DENND4C: variants seen among roughly 807,000 people sequenced by gnomAD.
DENND4C encodes DENN domain containing 4C.
DENND4C carries 108 observed loss-of-function variants against 203.0 expected under a neutral mutation model. The observed-to-expected ratio is 0.53, with a 90% CI of 0.46 to 0.62. DENND4C has a LOEUF of 0.62. Ranked by LOEUF, DENND4C falls within the 20% of genes least tolerant of loss-of-function variation. The probability of loss-of-function intolerance (pLI) is 0.00; values close to 1 mark genes in which losing one functional copy is unlikely to be tolerated. For synonymous variants in DENND4C, 871 were observed against 792.4 expected (o/e 1.10, Z -1.67); for missense variants, 2,481 against 2,301.2 (o/e 1.08, Z -1.60).
intron 1 of DENND4C, among the ~76,000 whole-genome samples, chr9:19,270,624 C>T (rs562944293): frequency 4.6e-5 from 7 of 152,124 alleles, no homozygotes; most frequent in African/African-American, 1.7e-4. Context: ...TTGTTTTCAC[C>T]TTTTGGCTAT....
At chr9:19,266,392 C>T (rs1206915380) in intron 1 of DENND4C, among the ~76,000 whole-genome samples, 1 of 151,774 alleles carries the variant, frequency 6.6e-6, no homozygotes, top group Non-Finnish European at 1.5e-5. Context: ...TAAAAATTTT[C>T]TCCTGTTCTA....
intron 23 of DENND4C, among the ~76,000 whole-genome samples, chr9:19,347,990 T>C (rs149352780): frequency 6.6e-6 from 1 of 152,214 alleles, no homozygotes; most frequent in East Asian, 1.9e-4. Flanking sequence ...AGAAAAAAAT[T>C]GAAATTTCAC....
chr9:19,303,648 A>G (rs1365774449), intron 9 of DENND4C, among the ~76,000 whole-genome samples: 1 of 152,232 alleles, frequency 6.6e-6, no homozygotes, highest in Non-Finnish European at 1.5e-5. Flanking sequence ...AATATTAAGT[A>G]AATAAATGTT....
In DENND4C at chr9:19,328,095, T is replaced by G. The variant is rs1162486887; in HGVS notation, c.2186T>G (p.Phe729Cys). The G allele has an allele frequency of 6.2e-7, 1 of 1,613,948 alleles. No homozygotes were observed. The highest frequency in any genetic ancestry group is 1.7e-5 in the Admixed American group (1 of 60,002). Residue 729 changes from phenylalanine (F) to cysteine (C), a missense_variant, in exon 16 of 33, where the codon TTT becomes TGT. Physicochemically the swap from Phe to Cys is radical, Grantham distance 205. This residue lies in a region of DENND4C where 2,289 missense variants were observed against 2,113.3 expected (regional missense o/e 1.08). Coordinates refer to ENST00000434457, the MANE Select transcript of DENND4C (RefSeq NM_001330640.2). The stretch of plus-strand genomic sequence containing the variant: ...AGACCGCAGGAGTTGAAACTTTGTT[T>G]TAGTAGACACCCTACTGGGAATAGC... Reference protein sequence around the residue: ...FDRPQELKLCFSRHPTGNSIT... With the variant: ...FDRPQELKLCCSRHPTGNSIT...
At chr9:19,238,899 C>T (rs1207080371) in intron 1 of DENND4C, among the ~76,000 whole-genome samples, 1 of 149,834 alleles carries the variant, frequency 6.7e-6, no homozygotes, top group Non-Finnish European at 1.5e-5. Flanking sequence ...GTGATCCACC[C>T]ACCTCGGCCT....
At chr9:19,313,476 A>T (rs1686872462) in intron 10 of DENND4C, among the ~76,000 whole-genome samples, 1 of 152,228 alleles carries the variant, frequency 6.6e-6, no homozygotes, top group African/African-American at 2.4e-5. Context: ...TTACAAATGG[A>T]TGTTAATCCA....
chr9:19,352,651 G>T lies in DENND4C; in HGVS notation c.4767G>T (p.Leu1589Phe). The T allele has an allele frequency of 1.2e-6, 2 of 1,604,734 alleles. No homozygotes were observed. Among genetic ancestry groups the T allele is most frequent in the South Asian group, 1.1e-5 (1 of 89,776 alleles). Reference protein sequence around the residue: ...LPLLNIEFKDLRGSASFFLKP... With the variant: ...LPLLNIEFKDFRGSASFFLKP... ...TTCTCAATATAGAATTCAAAGATTT[G>T]AGAGGTTCTGCAAGGTTAGTCTTAT... The change falls in exon 26 of 33, where the codon TTG (leucine) becomes TTT (phenylalanine). Residue 1589 changes from leucine to phenylalanine, a missense_variant. This residue lies in a region of DENND4C where 2,289 missense variants were observed against 2,113.3 expected (regional missense o/e 1.08). Coordinates refer to ENST00000434457, the MANE Select transcript of DENND4C (RefSeq NM_001330640.2).
intron 10 of DENND4C, among the ~76,000 whole-genome samples, chr9:19,315,946 A>G (rs1411030381): frequency 6.6e-6 from 1 of 151,988 alleles, no homozygotes; most frequent in African/African-American, 2.4e-5. Context: ...TTATTGTTTC[A>G]TGATCATAGA....
At chr9:19,230,604 AGGCACCCGCGCGGGCCAGCGCTCC>A (rs1250508264), upstream of DENND4C, 1 of 151,934 alleles carries the variant, frequency 6.6e-6, no homozygotes, top group Non-Finnish European at 1.5e-5. Context: ...CACAGCGCGG[AGGCACCCGCGCGGGCCAGCGCTCC>A]GGCCATCGCC....
chr9:19,252,250 A>G (rs1037199459), intron 1 of DENND4C, among the ~76,000 whole-genome samples: 18 of 152,250 alleles, frequency 1.2e-4, no homozygotes, highest in Middle Eastern at 3.4e-3. Context: ...TTTTAAAACC[A>G]TCAGATCTCG....
At chr9:19,236,264 C>T (rs1485390063) in intron 1 of DENND4C, among the ~76,000 whole-genome samples, 3 of 152,098 alleles carry the variant, frequency 2.0e-5, no homozygotes, top group Non-Finnish European at 4.4e-5. Flanking sequence ...ACCGTAACTA[C>T]AACACAACAA....
intron 17 of DENND4C, among the ~76,000 whole-genome samples, chr9:19,334,609 T>G (rs1403615654): frequency 6.8e-6 from 1 of 147,770 alleles, no homozygotes; most frequent in Non-Finnish European, 1.5e-5. Flanking sequence ...CATTACAACC[T>G]CTACCTCCTG....
chr9:19,251,969 C>A (rs187577140), intron 1 of DENND4C, among the ~76,000 whole-genome samples: 3 of 152,214 alleles, frequency 2.0e-5, no homozygotes, highest in African/African-American at 7.2e-5. Context: ...GCCTGTTACC[C>A]AGTTCGAAAG....
intron 26 of DENND4C, among the ~76,000 whole-genome samples, chr9:19,355,841 A>G (rs532191189): frequency 2.4e-4 from 36 of 152,194 alleles, no homozygotes; most frequent in Non-Finnish European, 4.3e-4. Flanking sequence ...TGACTTTTCT[A>G]TTATTATTAT....
chr9:19,251,901 C>T (rs1411347223), intron 1 of DENND4C, among the ~76,000 whole-genome samples: 1 of 152,198 alleles, frequency 6.6e-6, no homozygotes, highest in Non-Finnish European at 1.5e-5. Context: ...CTAGGGAGTT[C>T]CAAACTTTCC....
intron 4 of DENND4C, among the ~76,000 whole-genome samples, chr9:19,289,315 A>C (rs909031789): frequency 6.6e-6 from 1 of 152,194 alleles, no homozygotes; most frequent in Non-Finnish European, 1.5e-5. Context: ...TAAATAGAAA[A>C]GATACTGGAA....
intron 9 of DENND4C, 147 bp downstream of exon 9, chr9:19,300,478 A>C: frequency 1.5e-6 from 1 of 670,800 alleles, no homozygotes. Flanking sequence ...TAAAAGTTGA[A>C]TATAATCTGC....
At chr9:19,304,208 A>G (rs986032958) in intron 9 of DENND4C, among the ~76,000 whole-genome samples, 70 of 144,764 alleles carry the variant, frequency 4.8e-4, no homozygotes, top group Non-Finnish European at 9.1e-4. Context: ...TTTTTGAGAC[A>G]GAGTCTTGCT....
At chr9:19,269,582 A>G (rs527335573) in intron 1 of DENND4C, among the ~76,000 whole-genome samples, 7 of 152,338 alleles carry the variant, frequency 4.6e-5, no homozygotes, top group East Asian at 1.9e-4. Flanking sequence ...CAGCTCCAGA[A>G]TTTCTGCTGG....
Sources: gnomAD v4.1 joint callset for allele counts (sites outside exome capture counted in the v4.1 genomes callset) on GRCh38, gnomAD v4.1.1 for gene constraint, gnomAD v4.1.1 regional missense constraint, MANE v1.5 for transcripts, NCBI Gene and HGNC (gene_info 2026-07-23, HGNC 2026-07-21) for gene names.